The following VPS13B variants were observed in gnomAD, a reference collection of about 807,000 sequenced individuals.
VPS13B encodes intermembrane lipid transfer protein VPS13B.
In VPS13B, 285 loss-of-function variants were observed where a neutral mutation model predicts 426.4. The ratio of observed to expected loss-of-function variants is 0.67; its 90% confidence interval spans 0.61 to 0.74. VPS13B has a LOEUF of 0.74. Ranked by LOEUF, VPS13B falls within the 30% of genes least tolerant of loss-of-function variation. The probability of loss-of-function intolerance (pLI) is 0.00; values close to 1 mark genes in which losing one functional copy is unlikely to be tolerated. For missense variants in VPS13B, 4,537 were observed against 4,782.6 expected, an observed-to-expected ratio of 0.95 and a Z score of 1.51; for synonymous variants, 1,676 against 1,676.4, an observed-to-expected ratio of 1.00 and a Z score of 0.01.
intron 40 of VPS13B, among the ~76,000 whole-genome samples, chr8:99,774,358 T>A: frequency 6.6e-6 from 1 of 152,218 alleles, no homozygotes; most frequent in East Asian, 1.9e-4. Flanking sequence ...CAGGAGCTAC[T>A]GTATATACCT....
intron 39 of VPS13B, among the ~76,000 whole-genome samples, chr8:99,765,331 T>G (rs1266270559): frequency 6.6e-6 from 1 of 151,532 alleles, no homozygotes; most frequent in Non-Finnish European, 1.5e-5. Flanking sequence ...AATAAAATAT[T>G]ACATTATTGC....
chr8:99,728,686 AT>A (rs1157942359), intron 39 of VPS13B, among the ~76,000 whole-genome samples: 1 of 152,200 alleles, frequency 6.6e-6, no homozygotes, highest in Non-Finnish European at 1.5e-5. Flanking sequence ...AAGAGACACT[AT>A]CTTCCCCACA....
chr8:99,640,056 GAAAAGAAAAGAAA>G lies in VPS13B; in HGVS notation c.5221-1753_5221-1741del, dbSNP rs1563838942. Among the ~76,000 whole-genome samples the G allele has an allele frequency of 3.3e-3, 316 of 95,108 alleles. 5 individuals carry two copies. The highest frequency in any genetic ancestry group is 0.013 in the East Asian group (36 of 2,788). The allele number at this position is 95,108 out of a possible 152,430, so 62.4% of individuals were successfully genotyped here. A position where few individuals can be genotyped will look rare whatever the true frequency, so the allele number is the denominator to read the frequency against. Reference sequence around the variant, plus strand: ...GAAGAAGAAGAAGAAGAAGAGAAAAGAAAAGAAAAGAAAAGAAAAGAAAAGAAAAGAAAAGAAA... The same window carrying G: ...GAAGAAGAAGAAGAAGAAGAGAAAAGAGAAAAGAAAAGAAAAGAAAAGAAA... On this transcript the variant is annotated intron_variant, in intron 33 of 61. Transcript: ENST00000357162.
At chr8:99,429,518 T>G (rs1485059734) in intron 21 of VPS13B, 1 of 152,210 alleles carries the variant, frequency 6.6e-6, no homozygotes, top group Admixed American at 6.5e-5. Context: ...AATCTCAGTT[T>G]AAGACATCCC....
At chr8:99,104,685 G>A (rs1177769806) in intron 5 of VPS13B, among the ~76,000 whole-genome samples, 6 of 151,356 alleles carry the variant, frequency 4.0e-5, no homozygotes, top group Non-Finnish European at 5.9e-5. Context: ...GTGCAGTGGT[G>A]CTACCTTGGC....
At position 99,136,820 on chromosome 8, in the gene VPS13B, A is replaced by G. The variant is rs539724165; in HGVS notation, c.1651+68A>G. The G allele has an allele frequency of 5.6e-5, 83 of 1,494,034 alleles. 2 individuals carry two copies. The highest frequency in any genetic ancestry group is 3.7e-4 in the African/African-American group (27 of 72,576). The allele number at this position is 1,494,034 out of a possible 1,614,324, so 92.5% of individuals were successfully genotyped here. A position where few individuals can be genotyped will look rare whatever the true frequency, so the allele number is the denominator to read the frequency against. On this transcript the variant is annotated intron_variant, in intron 12 of 61. Coordinates refer to ENST00000357162, the MANE Select transcript of VPS13B (RefSeq NM_152564.5). Reference sequence around the variant, plus strand: ...TGAAACAAAGCCTTCCTCAGAATCAATTGGTCCTTGACTGGTTGTACTCTG... The same window carrying G: ...TGAAACAAAGCCTTCCTCAGAATCAGTTGGTCCTTGACTGGTTGTACTCTG...
chr8:99,656,729 C>G, intron 34 of VPS13B, among the ~76,000 whole-genome samples: 1 of 152,162 alleles, frequency 6.6e-6, no homozygotes, highest in Admixed American at 6.5e-5. Context: ...GCTACTACAG[C>G]TGCTTTCAGA....
intron 2 of VPS13B, among the ~76,000 whole-genome samples, chr8:99,028,897 C>T (rs1423381861): frequency 7.4e-5 from 5 of 67,924 alleles, no homozygotes; most frequent in Admixed American, 3.0e-4. Flanking sequence ...ACCTCCCTCC[C>T]GGACGGGGTG....
chr8:99,714,365 T>C (rs1832828377), intron 36 of VPS13B, among the ~76,000 whole-genome samples: 1 of 151,926 alleles, frequency 6.6e-6, no homozygotes, highest in Admixed American at 6.6e-5. Flanking sequence ...GCTACCAAAG[T>C]GGGCGCTAGA....
At chr8:99,075,170 T>C (rs898888777) in intron 3 of VPS13B, among the ~76,000 whole-genome samples, 4 of 152,350 alleles carry the variant, frequency 2.6e-5, no homozygotes, top group African/African-American at 9.6e-5. Flanking sequence ...ATTGATGTGC[T>C]ATACTATTCT....
chr8:99,817,614 C>T lies in VPS13B; in HGVS notation c.8172C>T (p.Tyr2724=). The change falls in exon 45 of 62, where the codon TAC becomes TAT. Residue 2724 remains tyrosine (Y), a synonymous_variant. Transcript: ENST00000357162. Reference sequence around the variant, plus strand: ...TAGAACTAAAAGTCGTTCAGCATTACATTGGTCAAGATGGACAAGCTGTAG... The same window carrying T: ...TAGAACTAAAAGTCGTTCAGCATTATATTGGTCAAGATGGACAAGCTGTAG... The part of the protein sequence containing the change: ...QSIELKVVQH[Y]IGQDGQAVVR... The T allele has an allele frequency of 6.2e-7, 1 of 1,614,062 alleles. No individual in the cohort carries two copies. The highest frequency in any genetic ancestry group is 8.5e-7 in the Non-Finnish European group (1 of 1,179,974).
Position 99,875,553 on chromosome 8 carries a change from C to T in VPS13B, c.11881C>T (p.Pro3961Ser), listed in dbSNP as rs762256695. The T allele has an allele frequency of 4.3e-6, 7 of 1,614,110 alleles. No homozygotes were observed. In the South Asian group the frequency reaches 4.4e-5, roughly 10 times the overall value. ...ATGCCCTGTGGTGGCTGCAGAACCT[C>T]CCCCCTCCACTGTTAAAACATACCA... ...IPCPVVAAEP[P>S]PSTVKTYHYL... Residue 3961 changes from proline (P) to serine (S), a missense_variant, in exon 62 of 62, where the codon CCC (proline) becomes TCC (serine). Transcript: ENST00000357162.
At position 99,871,632 on chromosome 8, in the gene VPS13B, G is replaced by C; in HGVS notation, c.11680G>C (p.Asp3894His). 6.2e-7 allele frequency: 1 copy of C among 1,614,194 alleles called. No individual in the cohort carries two copies. Residue 3894 changes from aspartate (D) to histidine (H), a missense_variant, in exon 61 of 62, where the codon GAC becomes CAC. Asp to His is a moderately conservative substitution (Grantham distance 81). This residue lies in a region of VPS13B where 4,311 missense variants were observed against 4,474.3 expected (regional missense o/e 0.96). Coordinates refer to ENST00000357162, the MANE Select transcript of VPS13B (RefSeq NM_152564.5). Reference protein sequence around the residue: ...FPVTEIDCAQDSKQNNLLTVQ... With the variant: ...FPVTEIDCAQHSKQNNLLTVQ... ...CGTCACAGAAATCGACTGTGCACAG[G>C]ACAGCAAGCAGAACAACTTACTCAC...
rs528055485 is a variant in VPS13B, at chr8:99,417,939, C to T, written c.3083-13598C>T. ...TTGACGTGATTTTAAGATCACATATCTTGAATTGGTAGAATAAAAAAAGAA... is the reference window on the plus strand; with the variant it reads ...TTGACGTGATTTTAAGATCACATATTTTGAATTGGTAGAATAAAAAAAGAA... On this transcript the variant is annotated intron_variant, in intron 21 of 61. Coordinates refer to ENST00000357162, the MANE Select transcript of VPS13B (RefSeq NM_152564.5). Among the ~76,000 whole-genome samples, 10 of 152,204 alleles carry T rather than the reference C, an allele frequency of 6.6e-5. No individual in the cohort carries two copies. In the East Asian group the frequency reaches 1.9e-3, roughly 29 times the overall value.
At chr8:99,808,316 G>A (rs1813510288) in intron 43 of VPS13B, among the ~76,000 whole-genome samples, 1 of 151,892 alleles carries the variant, frequency 6.6e-6, no homozygotes, top group Non-Finnish European at 1.5e-5. Context: ...TCAAGAGATC[G>A]AGACCAGCCT....
intron 25 of VPS13B, among the ~76,000 whole-genome samples, chr8:99,492,319 C>T (rs1292276843): frequency 1.3e-5 from 2 of 152,194 alleles, no homozygotes; most frequent in African/African-American, 2.4e-5. Context: ...GCTACACGGG[C>T]GTCAGGGACC....
chr8:99,358,545 C>A (rs377729224), intron 19 of VPS13B, among the ~76,000 whole-genome samples: 1 of 152,124 alleles, frequency 6.6e-6, no homozygotes, highest in Non-Finnish European at 1.5e-5. Flanking sequence ...AATATTTATT[C>A]GAAAAGATTA....
At chr8:99,456,341 G>A (rs544489034) in intron 23 of VPS13B, among the ~76,000 whole-genome samples, 1 of 151,916 alleles carries the variant, frequency 6.6e-6, no homozygotes, top group African/African-American at 2.4e-5. Flanking sequence ...GCTAATTTTT[G>A]TATTTTTATT....
chr8:99,485,417 T>C (rs1820251153), intron 25 of VPS13B, among the ~76,000 whole-genome samples: 1 of 152,184 alleles, frequency 6.6e-6, no homozygotes, highest in Non-Finnish European at 1.5e-5. Context: ...AACTCAGAGC[T>C]TGCTAACGAG....
Sources: gnomAD v4.1 joint callset for allele counts (sites outside exome capture counted in the v4.1 genomes callset) on GRCh38, gnomAD v4.1.1 for gene constraint, gnomAD v4.1.1 regional missense constraint, MANE v1.5 for transcripts, NCBI Gene and HGNC (gene_info 2026-07-23, HGNC 2026-07-21) for gene names.